The following TDRD1 variants were observed in gnomAD, a reference collection of about 807,000 sequenced individuals.
TDRD1 encodes the protein tudor domain containing 1.
A neutral mutation model predicts 140.6 loss-of-function variants in TDRD1; 37 were observed. The observed-to-expected ratio is 0.26, with a 90% CI of 0.20 to 0.35. The LOEUF (loss-of-function observed/expected upper bound fraction) is 0.35, where lower values mean the gene tolerates loss of function less well. Ranked by LOEUF, TDRD1 falls within the 10% of genes least tolerant of loss-of-function variation. TDRD1 has a pLI of 1.00. For synonymous variants in TDRD1, 506 were observed against 475.7 expected (o/e 1.06, Z -0.83); for missense variants, 1,243 against 1,393.0 (o/e 0.89, Z 1.71).
chr10:114,217,795 T>A, intron 17 of TDRD1, 140 bp downstream of exon 17: 1 of 578,072 alleles, frequency 1.7e-6, no homozygotes, highest in Admixed American at 3.8e-5. Flanking sequence ...ATGTCATGTG[T>A]TTTTCCTTCT....
chr10:114,213,505 G>A, exon 15 of TDRD1: 2 of 1,613,966 alleles, frequency 1.2e-6, no homozygotes, highest in East Asian at 2.2e-5. Context: ...GTCAGTGTTA[G>A]CAAAGTTCTC....
intron 25 of TDRD1, chr10:114,228,507 G>T (rs1421794921): frequency 2.0e-6 from 2 of 1,001,028 alleles, no homozygotes; most frequent in African/African-American, 3.5e-5. Flanking sequence ...GCACATTGCT[G>T]TAAATATGTT....
rs2036432641 is a variant in TDRD1, at chr10:114,226,282, T to C, written c.3175+66T>C. 2.6e-6 allele frequency: 3 copies of C among 1,162,592 alleles called. No homozygotes were observed. The African/African-American group carries it at 4.7e-5, about 18-fold the overall frequency. The allele number at this position is 1,162,592 out of a possible 1,614,324, so 72.0% of individuals were successfully genotyped here. ...TTTTTTTTTTCCTCTTTATGTTTCA[T>C]AGCTCTAAGTCGGAATCAAATGGGT... On this transcript the variant is annotated intron_variant, in intron 22 of 25. Coordinates refer to ENST00000251864, the Ensembl canonical transcript of TDRD1.
chr10:114,196,488 G>A (rs1344035557), intron 3 of TDRD1, among the ~76,000 whole-genome samples: 1 of 152,106 alleles, frequency 6.6e-6, no homozygotes, highest in Non-Finnish European at 1.5e-5. Context: ...GGCCTCCATG[G>A]TCTCTAATGA....
exon 21 of TDRD1, chr10:114,222,604 T>C: frequency 6.2e-7 from 1 of 1,609,206 alleles, no homozygotes; most frequent in Middle Eastern, 1.7e-4. Flanking sequence ...GGAAAAGCTG[T>C]GCATGTTGAC....
intron 25 of TDRD1, among the ~76,000 whole-genome samples, chr10:114,230,461 TGAAAA>T (rs796492456): frequency 2.8e-4 from 43 of 152,334 alleles, no homozygotes; most frequent in African/African-American, 1.0e-3. Context: ...ACAATGCCCT[TGAAAA>T]GAAAGTAGGA....
At chr10:114,195,162 T>C (rs533495978) in intron 3 of TDRD1, among the ~76,000 whole-genome samples, 45 of 152,204 alleles carry the variant, frequency 3.0e-4, no homozygotes, top group Non-Finnish European at 4.9e-4. Context: ...TAGTATTTTT[T>C]CTGCCACTGA....
chr10:114,176,593 T>C (rs528020187), upstream of TDRD1, among the ~76,000 whole-genome samples: 2 of 152,196 alleles, frequency 1.3e-5, no homozygotes, highest in African/African-American at 4.8e-5. The surrounding 1 kb of genome is among the most constrained non-coding windows in gnomAD (Gnocchi z 4.2). Flanking sequence ...ATTTGAGGTA[T>C]CTGGAAATGT....
upstream of TDRD1, among the ~76,000 whole-genome samples, chr10:114,178,876 A>C (rs1344052373): frequency 1.1e-4 from 16 of 152,092 alleles, no homozygotes; most frequent in East Asian, 5.8e-4. Context: ...GCAAAAAAAA[A>C]AAAAAACAAA....
In TDRD1 at chr10:114,208,295, A is replaced by T. The variant is rs142597814; in HGVS notation, c.1384+1965A>T. On this transcript the variant is annotated intron_variant, in intron 11 of 25. Transcript: ENST00000251864. Reference sequence around the variant, plus strand: ...GAATGGAGCCTTGAGATACCTCTGGATTCAGTTTGTTGGATTCAAGTAATG... The same window carrying T: ...GAATGGAGCCTTGAGATACCTCTGGTTTCAGTTTGTTGGATTCAAGTAATG... 2.2e-4 allele frequency among the ~76,000 whole-genome samples: 33 copies of T among 152,276 alleles called. No individual in the cohort carries two copies. In the East Asian group the frequency reaches 6.2e-3, roughly 28 times the overall value.
Position 114,204,065 on chromosome 10 carries a change from A to G in TDRD1, c.982-8A>G. ...ATGAAGCAGAGTACCATTATATTTC[A>G]CTTTCAGACCTGGAACAGAGCAATC... On this transcript the variant is annotated splice_polypyrimidine_tract_variant and splice_region_variant and intron_variant, in intron 8 of 25. Transcript: ENST00000251864. The G allele has an allele frequency of 6.9e-6, 11 of 1,597,344 alleles. No individual in the cohort carries two copies. Among genetic ancestry groups the G allele is most frequent in the Non-Finnish European group, 9.4e-6 (11 of 1,176,214 alleles).
intron 1 of TDRD1, among the ~76,000 whole-genome samples, chr10:114,185,802 T>A (rs949058565): frequency 3.3e-5 from 5 of 151,892 alleles, no homozygotes; most frequent in Admixed American, 3.3e-4. Flanking sequence ...TTGTCCAGGC[T>A]GGTCTCGAAC....
chr10:114,222,744 A>G lies in TDRD1; in HGVS notation c.3007+41A>G, dbSNP rs2036218530. Reference sequence around the variant, plus strand: ...GGAAAATATTTGAGGGAAGGTATTTAGTCTGTTTTGTTCTACATGATACTA... The same window carrying G: ...GGAAAATATTTGAGGGAAGGTATTTGGTCTGTTTTGTTCTACATGATACTA... On this transcript the variant is annotated intron_variant, in intron 21 of 25. Coordinates refer to ENST00000251864, the Ensembl canonical transcript of TDRD1. The G allele has an allele frequency of 2.5e-6, 3 of 1,182,062 alleles. No homozygotes were observed. The South Asian group carries it at 3.7e-5, about 15-fold the overall frequency. 73.2% of individuals were successfully genotyped at this position (1,182,062 alleles called of 1,614,324 possible). A position where few individuals can be genotyped will look rare whatever the true frequency, so the allele number is the denominator to read the frequency against.
At chr10:114,203,602 T>A (rs373878697) in intron 8 of TDRD1, 35 bp downstream of exon 8, 79 of 1,559,896 alleles carry the variant, frequency 5.1e-5, no homozygotes, top group Admixed American at 7.7e-5. Flanking sequence ...TTAAAACGTT[T>A]GAGCTAACTT....
intron 3 of TDRD1, among the ~76,000 whole-genome samples, chr10:114,195,394 A>G (rs1438713444): frequency 1.3e-5 from 2 of 152,116 alleles, no homozygotes; most frequent in African/African-American, 2.4e-5. Flanking sequence ...TGCTGATTTT[A>G]TATCTAGTCA....
chr10:114,210,807 G>C, intron 12 of TDRD1, 53 bp from the exon 13 acceptor site: 2 of 1,612,588 alleles, frequency 1.2e-6, no homozygotes, highest in Non-Finnish European at 1.7e-6. Context: ...GACTTGACAT[G>C]TAGAAATAAT....
intron 11 of TDRD1, among the ~76,000 whole-genome samples, chr10:114,208,914 G>T (rs1409906969): frequency 6.6e-6 from 1 of 151,772 alleles, no homozygotes; most frequent in African/African-American, 2.4e-5. Flanking sequence ...GCTGGGACTA[G>T]TAGGTGGGAG....
intron 2 of TDRD1, 33 bp downstream of exon 2, chr10:114,188,189 A>G: frequency 1.3e-6 from 2 of 1,529,296 alleles, no homozygotes; most frequent in Non-Finnish European, 1.8e-6. Flanking sequence ...CTACTTCTTC[A>G]TTCTCATGGT....
At chr10:114,189,385 T>G (rs1403681173) in intron 2 of TDRD1, among the ~76,000 whole-genome samples, 1 of 152,202 alleles carries the variant, frequency 6.6e-6, no homozygotes, top group Non-Finnish European at 1.5e-5. Flanking sequence ...GGACACTGGT[T>G]ATTCAGACTT....
Sources: allele counts gnomAD v4.1 joint callset (sites outside exome capture counted in the v4.1 genomes callset), GRCh38; gene constraint gnomAD v4.1.1; non-coding constraint Gnocchi (gnomAD v3.1); transcripts MANE v1.5; gene names NCBI Gene and HGNC (gene_info 2026-07-23, HGNC 2026-07-21).